EPG5: variants seen among roughly 807,000 people sequenced by gnomAD.
EPG5 encodes ectopic P granules protein 5 homolog.
A neutral mutation model predicts 302.7 loss-of-function variants in EPG5; 159 were observed. The observed-to-expected ratio is 0.53, with a 90% CI of 0.46 to 0.60. The LOEUF (loss-of-function observed/expected upper bound fraction) is 0.60, where lower values mean the gene tolerates loss of function less well. Among genes scored for constraint, EPG5 ranks in the 20% least tolerant of loss-of-function variants. EPG5 has a pLI of 0.00. For synonymous variants in EPG5, 1,158 were observed against 1,136.8 expected (o/e 1.02, Z -0.37); for missense variants, 2,896 against 3,092.4 (o/e 0.94, Z 1.51).
intron 2 of EPG5, among the ~76,000 whole-genome samples, chr18:45,953,066 G>C (rs534159837): frequency 1.3e-5 from 2 of 152,022 alleles, no homozygotes; most frequent in Non-Finnish European, 2.9e-5. Flanking sequence ...CCAGCTACTC[G>C]GGAGGCTGAA....
the EPG5 span, among the ~76,000 whole-genome samples, chr18:45,805,086 T>C: frequency 6.6e-6 from 1 of 151,916 alleles, no homozygotes; most frequent in African/African-American, 2.4e-5. Flanking sequence ...ACTACAATAA[T>C]ATATAGAAAA....
Position 45,870,564 on chromosome 18 carries a change from T to G in EPG5, c.6225+3A>C. The G allele has an allele frequency of 6.2e-7, 1 of 1,611,960 alleles. No homozygotes were observed. The highest frequency in any genetic ancestry group is 8.5e-7 in the Non-Finnish European group (1 of 1,178,368). On this transcript the variant is annotated splice_donor_region_variant and intron_variant, in intron 36 of 43. Transcript: ENST00000282041. ...GCTGCGATGCCGGGAATGAAGGGCT[T>G]ACTTTGAAGAAGGCCTCCATGAGCA...
intron 23 of EPG5, among the ~76,000 whole-genome samples, chr18:45,908,519 T>C (rs2049813999): frequency 6.6e-6 from 1 of 152,206 alleles, no homozygotes; most frequent in South Asian, 2.1e-4. Flanking sequence ...AGAGCTATTT[T>C]AAACTTATGC....
rs1350894657 is a variant in EPG5, at chr18:45,849,759, A to G, written c.*2708T>C. 6.6e-6 allele frequency: 1 copy of G among 152,288 alleles called. No individual in the cohort carries two copies. The highest frequency in any genetic ancestry group is 1.5e-5 in the Non-Finnish European group (1 of 68,096). The allele number at this position is 152,288 out of a possible 1,614,324, so 9.4% of individuals were successfully genotyped here. Reference sequence around the variant, plus strand: ...AGGCATGCGATGTCTGAGCCAACAAAGGATGGTGAGACTGAGAAATGAGTC... The same window carrying G: ...AGGCATGCGATGTCTGAGCCAACAAGGGATGGTGAGACTGAGAAATGAGTC... On this transcript the variant is annotated 3_prime_UTR_variant, in exon 44 of 44. Coordinates refer to ENST00000282041, the MANE Select transcript of EPG5 (RefSeq NM_020964.3).
intron 5 of EPG5, among the ~76,000 whole-genome samples, chr18:45,949,186 AC>A (rs1026645029): frequency 2.6e-5 from 4 of 152,106 alleles, no homozygotes; most frequent in Non-Finnish European, 4.4e-5. Context: ...ATTGAGTACC[AC>A]GGGAAAAAAG....
chr18:45,937,233 TATACACACACACACAC>T (rs2050550533), intron 10 of EPG5, among the ~76,000 whole-genome samples: 1 of 76,314 alleles, frequency 1.3e-5, no homozygotes, highest in African/African-American at 5.6e-5. Flanking sequence ...TATACATATA[TATACACACACACACAC>T]ACACACACAC....
intron 8 of EPG5, among the ~76,000 whole-genome samples, 192 bp downstream of exon 8, chr18:45,943,813 C>T (rs2050725447): frequency 1.3e-5 from 2 of 151,788 alleles, no homozygotes; most frequent in South Asian, 2.1e-4. Context: ...CCCAGCTACT[C>T]GGGAGGCTGA....
At chr18:45,943,961 C>T (rs1385968898) in intron 8 of EPG5, 44 bp downstream of exon 8, 2 of 1,241,826 alleles carry the variant, frequency 1.6e-6, no homozygotes, top group East Asian at 2.3e-5. Flanking sequence ...CCTGTGTTTA[C>T]ACTTGCCACT....
At chr18:45,845,210 C>T (rs758602878), downstream of EPG5, among the ~76,000 whole-genome samples, 3 of 152,170 alleles carry the variant, frequency 2.0e-5, no homozygotes, top group Non-Finnish European at 4.4e-5. Context: ...TACCCTTCTG[C>T]GGTACTTGCA....
At chr18:45,813,172 T>C in the EPG5 span, among the ~76,000 whole-genome samples, 1 of 152,168 alleles carries the variant, frequency 6.6e-6, no homozygotes, top group East Asian at 1.9e-4. Context: ...AAAATGCTCA[T>C]CATGACTGGC....
chr18:45,940,880 C>T (rs1486677943), intron 9 of EPG5, among the ~76,000 whole-genome samples: 2 of 152,108 alleles, frequency 1.3e-5, no homozygotes, highest in Non-Finnish European at 2.9e-5. Flanking sequence ...CTTAATGAAA[C>T]TGGGAGTAGT....
At chr18:45,932,461 T>C (rs1467346636) in intron 11 of EPG5, among the ~76,000 whole-genome samples, 1 of 152,184 alleles carries the variant, frequency 6.6e-6, no homozygotes, top group Non-Finnish European at 1.5e-5. Flanking sequence ...TAGTTAAAAT[T>C]TGTTCCCTGG....
chr18:45,962,104 T>C (rs2051161203), intron 1 of EPG5, among the ~76,000 whole-genome samples: 1 of 152,168 alleles, frequency 6.6e-6, no homozygotes, highest in African/African-American at 2.4e-5. Context: ...CTAGAATAGT[T>C]TTCGGAACAT....
At chr18:45,921,150 T>A (rs1185749090) in intron 16 of EPG5, among the ~76,000 whole-genome samples, 1 of 152,198 alleles carries the variant, frequency 6.6e-6, no homozygotes, top group Non-Finnish European at 1.5e-5. Flanking sequence ...ATGCCTATCA[T>A]CTCAACAAAA....
Position 45,934,805 on chromosome 18 carries a change from G to C in EPG5, c.2257+4C>G. On this transcript the variant is annotated splice_donor_region_variant and intron_variant, in intron 11 of 43. Transcript: ENST00000282041. The stretch of plus-strand genomic sequence containing the variant: ...TGGACGCCGACTGCTCGGCGGGGCT[G>C]TACCTTGGAGCTGCTGCTTGCACTG... 6.2e-7 allele frequency: 1 copy of C among 1,610,048 alleles called. No individual in the cohort carries two copies. Among genetic ancestry groups the C allele is most frequent in the Admixed American group, 1.7e-5 (1 of 58,742 alleles).
intron 18 of EPG5, 74 bp from the exon 19 acceptor site, chr18:45,916,280 A>G: frequency 2.6e-6 from 4 of 1,531,434 alleles, no homozygotes; most frequent in South Asian, 1.3e-5. Context: ...ACAAAATGCT[A>G]TCTACCTCCA....
At chr18:45,943,655 C>T (rs2050720941) in intron 8 of EPG5, among the ~76,000 whole-genome samples, 1 of 152,162 alleles carries the variant, frequency 6.6e-6, no homozygotes, top group South Asian at 2.1e-4. Flanking sequence ...GGCACGGTGG[C>T]TCACGCCTGT....
the EPG5 span, among the ~76,000 whole-genome samples, chr18:45,833,913 A>C: frequency 8.0e-4 from 120 of 149,962 alleles, 1 homozygote; most frequent in African/African-American, 3.0e-3. Flanking sequence ...AGTAAAGGAA[A>C]TATGGAAAAA....
chr18:45,904,804 T>C (rs767496183), intron 24 of EPG5, among the ~76,000 whole-genome samples: 53 of 152,218 alleles, frequency 3.5e-4, no homozygotes, highest in Non-Finnish European at 6.0e-4. Flanking sequence ...ATATTTGATA[T>C]AAAAAATTAT....
Sources: gnomAD v4.1 joint callset for allele counts (sites outside exome capture counted in the v4.1 genomes callset) on GRCh38, gnomAD v4.1.1 for gene constraint, MANE v1.5 for transcripts, NCBI Gene and HGNC (gene_info 2026-07-23, HGNC 2026-07-21) for gene names.